Variants in BZW2 observed in about 807,000 individuals in gnomAD.
BZW2 encodes the protein basic leucine zipper and W2 domains 2, also known as eIF5-mimic protein 1.
A neutral mutation model predicts 53.2 loss-of-function variants in BZW2; 23 were observed. The observed-to-expected ratio is 0.43, with a 90% CI of 0.31 to 0.61. BZW2 has a LOEUF of 0.61. Among genes scored for constraint, BZW2 ranks in the 20% least tolerant of loss-of-function variants. The probability of loss-of-function intolerance (pLI) is 0.09; values close to 1 mark genes in which losing one functional copy is unlikely to be tolerated. For synonymous variants in BZW2, 227 were observed against 186.4 expected, an observed-to-expected ratio of 1.22 and a Z score of -1.77; for missense variants, 409 against 503.1, an observed-to-expected ratio of 0.81 and a Z score of 1.79.
chr7:16,665,245 G>A (rs542009146), intron 1 of BZW2, among the ~76,000 whole-genome samples, 192 bp from the exon 2 acceptor site: 125 of 151,962 alleles, frequency 8.2e-4, no homozygotes, highest in African/African-American at 2.8e-3. Flanking sequence ...TGCAGAGGTT[G>A]CAGTGAGCTG....
chr7:16,653,916 T>A (rs931228280), intron 1 of BZW2, among the ~76,000 whole-genome samples: 1 of 151,808 alleles, frequency 6.6e-6, no homozygotes, highest in African/African-American at 2.4e-5. Context: ...GCCATCAGTG[T>A]GTTATTACTT....
chr7:16,671,962 A>G lies in BZW2; in HGVS notation c.59-2450A>G, dbSNP rs1008263471. 6.2e-5 allele frequency among the ~76,000 whole-genome samples: 9 copies of G among 145,802 alleles called. No individual in the cohort carries two copies. The South Asian group carries it at 8.9e-4, about 14-fold the overall frequency. ...AAAAAAAAAAATCGGAACACTAACA[A>G]GAATTCTAGGCTGGAAATACTTTTC... On this transcript the variant is annotated intron_variant, in intron 2 of 11. Coordinates refer to ENST00000258761, the MANE Select transcript of BZW2 (RefSeq NM_014038.3).
chr7:16,664,261 T>C (rs568110638), intron 1 of BZW2, among the ~76,000 whole-genome samples: 139 of 152,374 alleles, frequency 9.1e-4, no homozygotes, highest in South Asian at 2.1e-3. Flanking sequence ...TAGTGGAGGT[T>C]ACACTCATGG....
chr7:16,687,289 ATGTT>A (rs1392879218), intron 6 of BZW2: 1 of 152,182 alleles, frequency 6.6e-6, no homozygotes, highest in Non-Finnish European at 1.5e-5. Flanking sequence ...TTGTAGTAAA[ATGTT>A]TGGGGGGTGG....
intron 2 of BZW2, among the ~76,000 whole-genome samples, chr7:16,667,012 G>T (rs952224682): frequency 2.0e-5 from 3 of 152,172 alleles, no homozygotes; most frequent in Non-Finnish European, 4.4e-5. Context: ...GCCAGGCGTG[G>T]TGGCTCATGC....
rs1390668244 is a variant in BZW2, at chr7:16,695,564, G to A, written c.822+560G>A. ...GTAAAAGCTATATTTTTTATAATAC[G>A]CATATACATAGTTTATATATACATG... On this transcript the variant is annotated intron_variant, in intron 8 of 11. Coordinates refer to ENST00000258761, the MANE Select transcript of BZW2 (RefSeq NM_014038.3). 2.0e-5 allele frequency among the ~76,000 whole-genome samples: 3 copies of A among 152,074 alleles called. No individual in the cohort carries two copies. The East Asian group carries it at 5.8e-4, about 29-fold the overall frequency.
chr7:16,699,859 T>C (rs190784524), intron 10 of BZW2, among the ~76,000 whole-genome samples: 28 of 152,260 alleles, frequency 1.8e-4, no homozygotes, highest in African/African-American at 6.7e-4. Flanking sequence ...TACTTTGAGT[T>C]TTTTCTTCTT....
At chr7:16,692,809 C>T (rs1390095578) in intron 7 of BZW2, among the ~76,000 whole-genome samples, 1 of 152,048 alleles carries the variant, frequency 6.6e-6, no homozygotes. Context: ...TAAAGAGCTT[C>T]CAAATGTGGG....
intron 1 of BZW2, 98 bp downstream of exon 1, chr7:16,646,386 G>A (rs925793044): frequency 6.0e-6 from 1 of 167,200 alleles, no homozygotes; most frequent in Non-Finnish European, 1.3e-5. Flanking sequence ...AGCTGGCGGG[G>A]AGGAAGCATG....
chr7:16,698,695 AT>A (rs1783578404), intron 10 of BZW2, among the ~76,000 whole-genome samples: 1 of 152,082 alleles, frequency 6.6e-6, no homozygotes, highest in African/African-American at 2.4e-5. Flanking sequence ...CTGTCTTTTC[AT>A]TGTATTTATA....
intron 10 of BZW2, among the ~76,000 whole-genome samples, chr7:16,701,286 A>T (rs981029615): frequency 2.0e-5 from 3 of 152,158 alleles, no homozygotes; most frequent in African/African-American, 7.2e-5. Flanking sequence ...TTCCCTGAAG[A>T]TAAGTCCCAT....
At chr7:16,666,587 C>T (rs1250718345) in intron 2 of BZW2, among the ~76,000 whole-genome samples, 1 of 151,994 alleles carries the variant, frequency 6.6e-6, no homozygotes, top group Non-Finnish European at 1.5e-5. Flanking sequence ...ATTTTAAGTA[C>T]AGACGGGGTT....
chr7:16,665,021 G>C (rs1329597780), intron 1 of BZW2, among the ~76,000 whole-genome samples: 1 of 152,134 alleles, frequency 6.6e-6, no homozygotes, highest in African/African-American at 2.4e-5. Flanking sequence ...ATTTTTAAAA[G>C]TGTATTTATG....
chr7:16,674,361 C>G, intron 2 of BZW2, 51 bp from the exon 3 acceptor site: 1 of 1,344,836 alleles, frequency 7.4e-7, no homozygotes, highest in Non-Finnish European at 1.0e-6. Context: ...TTGTTATACT[C>G]TCAGTATTTA....
intron 1 of BZW2, among the ~76,000 whole-genome samples, chr7:16,656,500 C>G (rs947957622): frequency 1.3e-5 from 2 of 151,394 alleles, no homozygotes; most frequent in Admixed American, 6.6e-5. Context: ...TGTGAAGATG[C>G]TTGGAGGCTA....
intron 7 of BZW2, 152 bp from the exon 8 acceptor site, chr7:16,694,682 G>A (rs6977880): frequency 0.088 from 54,358 of 618,880 alleles, 5,451 homozygotes; most frequent in African/African-American, 0.38. Context: ...GTTTAGCTCA[G>A]TAAATATACC....
intron 1 of BZW2, among the ~76,000 whole-genome samples, chr7:16,650,548 C>T (rs937557478): frequency 4.6e-5 from 7 of 152,122 alleles, no homozygotes; most frequent in Non-Finnish European, 8.8e-5. Context: ...TAATCTGACA[C>T]CTACTTTCTA....
At chr7:16,660,400 T>TAAA (rs77517152) in intron 1 of BZW2, among the ~76,000 whole-genome samples, 14 of 130,228 alleles carry the variant, frequency 1.1e-4, no homozygotes, top group African/African-American at 2.0e-4. Flanking sequence ...ACTCCATATT[T>TAAA]AAAAAAAAAA....
At chr7:16,646,669 C>T (rs1204762077) in intron 1 of BZW2, among the ~76,000 whole-genome samples, 1 of 152,158 alleles carries the variant, frequency 6.6e-6, no homozygotes, top group Non-Finnish European at 1.5e-5. Context: ...GTCGCAAGGA[C>T]AGCGCCCCAT....
Sources: allele counts gnomAD v4.1 joint callset (sites outside exome capture counted in the v4.1 genomes callset), GRCh38; gene constraint gnomAD v4.1.1; transcripts MANE v1.5; gene names NCBI Gene and HGNC (gene_info 2026-07-23, HGNC 2026-07-21).